The following ZNF367 variants were observed in gnomAD, a reference collection of about 807,000 sequenced individuals.
ZNF367 encodes the protein zinc finger protein 367, also known as C2H2 zinc finger protein ZFF29.
Under a neutral mutation model 31.8 loss-of-function variants are expected in ZNF367, and 11 were observed. The ratio of observed to expected loss-of-function variants is 0.35; its 90% confidence interval spans 0.22 to 0.57. The LOEUF is 0.57. ZNF367 is among the 20% of genes least tolerant of loss of function. The pLI, the probability that ZNF367 is intolerant of heterozygous loss-of-function variation, is 0.85. For synonymous variants in ZNF367, 199 were observed against 202.4 expected, an observed-to-expected ratio of 0.98 and a Z score of 0.14; for missense variants, 353 against 484.1, an observed-to-expected ratio of 0.73 and a Z score of 2.54.
rs1831416925 is a variant in ZNF367 at position 96,387,295 on chromosome 9, T to C, written c.*942A>G. 1 of 152,190 alleles carries C rather than the reference T, an allele frequency of 6.6e-6. No homozygotes were observed. Among genetic ancestry groups the C allele is most frequent in the African/African-American group, 2.4e-5 (1 of 41,454 alleles). The allele number at this position is 152,190 out of a possible 1,614,324, so 9.4% of individuals were successfully genotyped here. ...TATGGAGGCTTCCATTTGCTAATAA[T>C]TCTAAACAAGCAGTACAATTAAAAT... On this transcript the variant is annotated 3_prime_UTR_variant, in exon 5 of 5. Coordinates refer to ENST00000375256, the MANE Select transcript of ZNF367 (RefSeq NM_153695.4).
chr9:96,391,593 G>T (rs1032652448), intron 4 of ZNF367, among the ~76,000 whole-genome samples: 3 of 147,968 alleles, frequency 2.0e-5, no homozygotes, highest in Non-Finnish European at 2.9e-5. Flanking sequence ...GTGAAGCCTG[G>T]GTGAGGCCTG....
chr9:96,400,215 A>T (rs1831584233), intron 1 of ZNF367, among the ~76,000 whole-genome samples: 1 of 152,014 alleles, frequency 6.6e-6, no homozygotes, highest in Non-Finnish European at 1.5e-5. Flanking sequence ...TGGGTAACAT[A>T]GCAAGACCCC....
chr9:96,417,337 C>A lies in ZNF367; in HGVS notation c.420+276G>T, dbSNP rs916543448. On this transcript the variant is annotated intron_variant, in intron 1 of 4. Transcript: ENST00000375256. This position sits in a 1 kb window ranked among gnomAD's most constrained non-coding sequence, Gnocchi z 5.0. Reference sequence around the variant, plus strand: ...CAGCCCGCCGGGAGGATGTCAGTGGCCGTTGACCCGGCCTCCCCAGCGACC... The same window carrying A: ...CAGCCCGCCGGGAGGATGTCAGTGGACGTTGACCCGGCCTCCCCAGCGACC... Among the ~76,000 whole-genome samples, 3 of 152,122 alleles carry A rather than the reference C, an allele frequency of 2.0e-5. No individual in the cohort carries two copies. The highest frequency in any genetic ancestry group is 4.4e-5 in the Non-Finnish European group (3 of 68,020).
intron 2 of ZNF367, among the ~76,000 whole-genome samples, chr9:96,395,940 T>G (rs1448014983): frequency 6.6e-6 from 1 of 152,194 alleles, no homozygotes; most frequent in African/African-American, 2.4e-5. Flanking sequence ...CCAGTATAAC[T>G]CAAAGAATAA....
intron 1 of ZNF367, among the ~76,000 whole-genome samples, chr9:96,406,608 C>G (rs1023235999): frequency 6.6e-6 from 1 of 152,078 alleles, no homozygotes; most frequent in South Asian, 2.1e-4. Flanking sequence ...ATTCAGGCAG[C>G]GTACTAAACA....
chr9:96,390,057 C>A (rs1011999713), intron 4 of ZNF367, among the ~76,000 whole-genome samples: 9 of 151,780 alleles, frequency 5.9e-5, no homozygotes, highest in African/African-American at 2.2e-4. Flanking sequence ...GGATTACAGG[C>A]GTGAGGCACC....
chr9:96,409,945 T>G (rs1831720457), intron 1 of ZNF367, among the ~76,000 whole-genome samples: 1 of 152,222 alleles, frequency 6.6e-6, no homozygotes, highest in African/African-American at 2.4e-5. Context: ...AGGAGCTGAT[T>G]CTGTTAAGAA....
rs146015198 is a variant in ZNF367 at position 96,408,509 on chromosome 9, A to G, written c.420+9104T>C. On this transcript the variant is annotated intron_variant, in intron 1 of 4. Coordinates refer to ENST00000375256, the MANE Select transcript of ZNF367 (RefSeq NM_153695.4). The stretch of plus-strand genomic sequence containing the variant: ...GAACCTTTAGGAAATTATGCTAAGT[A>G]AAACAAACCAGTGACAAAAAGGCAA... Among the ~76,000 whole-genome samples, 9 of 152,352 alleles carry G rather than the reference A, an allele frequency of 5.9e-5. No individual in the cohort carries two copies. In the East Asian group the frequency reaches 1.7e-3, roughly 29 times the overall value.
At chr9:96,404,473 G>C (rs934266303) in intron 1 of ZNF367, among the ~76,000 whole-genome samples, 89 of 152,014 alleles carry the variant, frequency 5.9e-4, no homozygotes, top group African/African-American at 1.9e-3. Context: ...GGCACCTGTA[G>C]TCCCAGCTAC....
chr9:96,412,169 T>G (rs1831758968), intron 1 of ZNF367, among the ~76,000 whole-genome samples: 3 of 152,224 alleles, frequency 2.0e-5, no homozygotes, highest in African/African-American at 7.2e-5. Context: ...TTTCTAGGCA[T>G]CTTCGGACAA....
At chr9:96,407,714 G>T in intron 1 of ZNF367, 5 of 1,353,976 alleles carry the variant, frequency 3.7e-6, no homozygotes, top group Non-Finnish European at 5.2e-6. Context: ...AAGAAGGCAT[G>T]GAAGAGGATA....
intron 1 of ZNF367, among the ~76,000 whole-genome samples, chr9:96,400,182 T>C (rs1831583978): frequency 6.6e-6 from 1 of 151,428 alleles, no homozygotes; most frequent in Admixed American, 6.6e-5. Context: ...CTAATGGAAA[T>C]GATGGACAAA....
At chr9:96,398,423 G>C in intron 1 of ZNF367, 109 bp from the exon 2 acceptor site, 1 of 975,186 alleles carries the variant, frequency 1.0e-6, no homozygotes, top group Admixed American at 2.5e-5. Context: ...GGGCGCAGCG[G>C]CACACACTTA....
Position 96,388,455 on chromosome 9 carries a change from A to T in ZNF367, c.835T>A (p.Trp279Arg). The T allele has an allele frequency of 6.2e-7, 1 of 1,610,132 alleles. No individual in the cohort carries two copies. The highest frequency in any genetic ancestry group is 8.5e-7 in the Non-Finnish European group (1 of 1,179,072). The change falls in exon 5 of 5, where the codon TGG becomes AGG. Residue 279 changes from tryptophan (W) to arginine (R), a missense_variant. Transcript: ENST00000375256. ...GGGGTGCGCTGCTCTCTCATTTCCCAATACCTATGTGAAATGCAGCAACAT... is the reference window on the plus strand; with the variant it reads ...GGGGTGCGCTGCTCTCTCATTTCCCTATACCTATGTGAAATGCAGCAACAT... Reference protein sequence around the residue: ...KAAAEWLARYWEMREQRTPTL... With the variant: ...KAAAEWLARYREMREQRTPTL...
chr9:96,404,320 C>T (rs1445582553), intron 1 of ZNF367, among the ~76,000 whole-genome samples: 1 of 152,058 alleles, frequency 6.6e-6, no homozygotes, highest in East Asian at 1.9e-4. Flanking sequence ...CTTGGCCAGG[C>T]GCAGTGGCTC....
intron 2 of ZNF367, among the ~76,000 whole-genome samples, chr9:96,396,376 A>C (rs1329263652): frequency 6.6e-6 from 1 of 152,242 alleles, no homozygotes; most frequent in Non-Finnish European, 1.5e-5. Context: ...TGGTATCCAA[A>C]GTCAAAACTT....
chr9:96,414,896 A>G (rs1831797878), intron 1 of ZNF367, among the ~76,000 whole-genome samples: 1 of 152,234 alleles, frequency 6.6e-6, no homozygotes, highest in African/African-American at 2.4e-5. Flanking sequence ...GAACTAGATT[A>G]ATCTATAAGA....
chr9:96,389,460 A>T (rs1401056456), intron 4 of ZNF367, among the ~76,000 whole-genome samples: 1 of 152,160 alleles, frequency 6.6e-6, no homozygotes, highest in Non-Finnish European at 1.5e-5. Context: ...CTACATTTGT[A>T]TAAAACTACT....
chr9:96,404,052 G>A (rs991289181), intron 1 of ZNF367, among the ~76,000 whole-genome samples: 4 of 152,104 alleles, frequency 2.6e-5, no homozygotes, highest in African/African-American at 9.7e-5. Context: ...AAAGTTAGCA[G>A]AGCAGGGTGG....
Sources: allele counts gnomAD v4.1 joint callset (sites outside exome capture counted in the v4.1 genomes callset), GRCh38; gene constraint gnomAD v4.1.1; non-coding constraint Gnocchi (gnomAD v3.1); transcripts MANE v1.5; gene names NCBI Gene and HGNC (gene_info 2026-07-23, HGNC 2026-07-21).